Variants in PIGF observed in about 807,000 individuals in gnomAD.
PIGF encodes GPI ethanolamine phosphate transferase, stabilizing subunit.
PIGF carries 23 observed loss-of-function variants against 26.0 expected under a neutral mutation model. The ratio of observed to expected loss-of-function variants is 0.88; its 90% CI spans 0.64 to 1.25. The LOEUF is 1.25. PIGF is among the 50% of genes most tolerant of loss of function. PIGF has a pLI of 0.00. For missense variants in PIGF, 278 were observed against 249.9 expected (o/e 1.11, Z -0.76); for synonymous variants, 93 against 92.6 (o/e 1.00, Z -0.03).
chr2:46,609,749 A>T (rs953618606), intron 4 of PIGF, among the ~76,000 whole-genome samples: 11 of 152,136 alleles, frequency 7.2e-5, no homozygotes, highest in African/African-American at 2.7e-4. Flanking sequence ...TGGTAGGTGA[A>T]GCAGTCAGAA....
At chr2:46,602,950 G>T (rs1252539876) in intron 4 of PIGF, among the ~76,000 whole-genome samples, 1 of 151,814 alleles carries the variant, frequency 6.6e-6, no homozygotes, top group Admixed American at 6.6e-5. Flanking sequence ...TGATATAATC[G>T]TGTATTTGGA....
Position 46,581,134 on chromosome 2 carries a change from T to C in PIGF, c.*344A>G, listed in dbSNP as rs763105097. The C allele has an allele frequency of 2.4e-5, 34 of 1,395,454 alleles. No homozygotes were observed. Among genetic ancestry groups the C allele is most frequent in the Non-Finnish European group, 2.9e-5 (30 of 1,035,300 alleles). The allele number at this position is 1,395,454 out of a possible 1,614,324, so 86.4% of individuals were successfully genotyped here. On this transcript the variant is annotated 3_prime_UTR_variant, in exon 6 of 6. Transcript: ENST00000281382. ...CTGTCCATTTCTCTCAGAAAGCAAA[T>C]GAAATGCTACAGCTATACCCAGACC... is the stretch of plus-strand genomic sequence containing the variant.
chr2:46,587,509 T>A (rs937932028), intron 5 of PIGF, among the ~76,000 whole-genome samples: 15 of 152,106 alleles, frequency 9.9e-5, no homozygotes, highest in Non-Finnish European at 1.8e-4. Flanking sequence ...TGAGAATAAG[T>A]ACAAATATTT....
intron 5 of PIGF, among the ~76,000 whole-genome samples, chr2:46,587,283 AG>A (rs1364768011): frequency 6.6e-6 from 1 of 152,164 alleles, no homozygotes; most frequent in African/African-American, 2.4e-5. Flanking sequence ...CCATAATCTT[AG>A]TTTTAATCTC....
chr2:46,604,340 A>C (rs1670150639), intron 4 of PIGF, among the ~76,000 whole-genome samples: 1 of 152,072 alleles, frequency 6.6e-6, no homozygotes, highest in Non-Finnish European at 1.5e-5. Flanking sequence ...ATGATCCAGC[A>C]ATCACATTGC....
At chr2:46,605,410 C>T (rs1670186818) in intron 4 of PIGF, among the ~76,000 whole-genome samples, 2 of 152,024 alleles carry the variant, frequency 1.3e-5, no homozygotes, top group South Asian at 4.1e-4. Context: ...CACTGTGCTC[C>T]TTGGTCTGTC....
intron 3 of PIGF, among the ~76,000 whole-genome samples, chr2:46,613,388 T>A (rs1265321304): frequency 5.3e-5 from 8 of 152,178 alleles, no homozygotes; most frequent in Admixed American, 5.2e-4. Context: ...CTTACACATA[T>A]AATCATAGTA....
intron 4 of PIGF, among the ~76,000 whole-genome samples, chr2:46,610,480 T>C (rs370442705): frequency 2.8e-3 from 423 of 152,128 alleles, no homozygotes; most frequent in African/African-American, 9.8e-3. Flanking sequence ...TTCTAGAGAC[T>C]TTATGAATAT....
chr2:46,612,489 T>C, intron 3 of PIGF, 145 bp from the exon 4 acceptor site: 1 of 393,908 alleles, frequency 2.5e-6, no homozygotes, highest in Non-Finnish European at 4.6e-6. Context: ...ATGATGACTA[T>C]AAATAATTTT....
intron 4 of PIGF, among the ~76,000 whole-genome samples, chr2:46,608,912 A>G (rs1670310047): frequency 6.6e-6 from 1 of 152,198 alleles, no homozygotes; most frequent in East Asian, 1.9e-4. Context: ...ATAATTCTTA[A>G]GGGCCCTAGG....
At chr2:46,597,548 G>A (rs1669926836) in intron 4 of PIGF, among the ~76,000 whole-genome samples, 1 of 152,072 alleles carries the variant, frequency 6.6e-6, no homozygotes, top group South Asian at 2.1e-4. Context: ...GAGTAGCTGG[G>A]ATTACAGGCG....
At chr2:46,598,622 C>A (rs932850057) in intron 4 of PIGF, among the ~76,000 whole-genome samples, 1 of 143,360 alleles carries the variant, frequency 7.0e-6, no homozygotes, top group Non-Finnish European at 1.5e-5. Flanking sequence ...CCTTCCAATG[C>A]GGCCCAGAGA....
chr2:46,613,952 C>T (rs1288032537), intron 2 of PIGF, 167 bp from the exon 3 acceptor site: 6 of 565,422 alleles, frequency 1.1e-5, no homozygotes, highest in South Asian at 2.4e-5. Flanking sequence ...ACATACACAG[C>T]CTTCGATACA....
At chr2:46,604,753 T>A (rs1187241547) in intron 4 of PIGF, among the ~76,000 whole-genome samples, 1 of 151,576 alleles carries the variant, frequency 6.6e-6, no homozygotes, top group African/African-American at 2.4e-5. Flanking sequence ...ATGTGATTAA[T>A]GGGCATGAAA....
At chr2:46,610,919 C>T (rs1031495153) in intron 4 of PIGF, among the ~76,000 whole-genome samples, 2 of 152,168 alleles carry the variant, frequency 1.3e-5, no homozygotes, top group Non-Finnish European at 2.9e-5. Flanking sequence ...GGGCTGTTAC[C>T]TTTCAAATCA....
At chr2:46,613,534 T>C (rs1429347724) in intron 3 of PIGF, among the ~76,000 whole-genome samples, 160 bp downstream of exon 3, 2 of 151,772 alleles carry the variant, frequency 1.3e-5, no homozygotes, top group Admixed American at 6.6e-5. Flanking sequence ...TATTCTGCTG[T>C]TTTTTTTAAA....
intron 1 of PIGF, chr2:46,616,614 G>T (rs905091971): frequency 6.5e-6 from 1 of 153,936 alleles, no homozygotes; most frequent in Non-Finnish European, 1.4e-5. Flanking sequence ...TCTTCCGAGC[G>T]GCACCCAGAG....
intron 4 of PIGF, among the ~76,000 whole-genome samples, chr2:46,605,863 C>G (rs1670205875): frequency 6.6e-6 from 1 of 152,114 alleles, no homozygotes; most frequent in South Asian, 2.1e-4. Flanking sequence ...CTCTGAGAAA[C>G]TCTATAATGA....
chr2:46,591,861 C>G, intron 5 of PIGF: 2 of 1,303,462 alleles, frequency 1.5e-6, no homozygotes, highest in Non-Finnish European at 2.0e-6. Context: ...GACGAAAAAT[C>G]TGATGTTTGT....
Sources: gnomAD v4.1 joint callset for allele counts (sites outside exome capture counted in the v4.1 genomes callset) on GRCh38, gnomAD v4.1.1 for gene constraint, MANE v1.5 for transcripts, NCBI Gene and HGNC (gene_info 2026-07-23, HGNC 2026-07-21) for gene names.